The following SNX31 variants were observed in gnomAD, a reference collection of about 807,000 sequenced individuals.
SNX31 encodes the protein sorting nexin 31, also known as sorting nexin-31.
In SNX31, 58 loss-of-function variants were observed where a neutral mutation model predicts 65.4. The ratio of observed to expected loss-of-function variants is 0.89; its 90% CI spans 0.72 to 1.10. The LOEUF is 1.10. Among genes scored for constraint, SNX31 ranks in the 50% least tolerant of loss-of-function variants. The pLI, the probability that SNX31 is intolerant of heterozygous loss-of-function variation, is 0.00. For missense variants in SNX31, 523 were observed against 529.7 expected (o/e 0.99, Z 0.12); for synonymous variants, 181 against 190.1 (o/e 0.95, Z 0.39).
At chr8:100,639,479 C>T (rs1819006970) in intron 2 of SNX31, among the ~76,000 whole-genome samples, 1 of 152,118 alleles carries the variant, frequency 6.6e-6, no homozygotes, top group Non-Finnish European at 1.5e-5. Context: ...CAGAATCAAA[C>T]AAGTAAATGA....
rs547288340 is a variant in SNX31 at position 100,609,518 on chromosome 8, C to T, written c.612-955G>A. Among the ~76,000 whole-genome samples the T allele has an allele frequency of 4.0e-4, 61 of 152,172 alleles. No homozygotes were observed. The highest frequency in any genetic ancestry group is 1.3e-3 in the African/African-American group (54 of 41,494). ...TGTCTGCCTGTCAGATCCAGAATCA[C>T]GAGGAACTGAAATTAATGACTGTAG... On this transcript the variant is annotated intron_variant, in intron 7 of 13. Coordinates refer to ENST00000311812, the MANE Select transcript of SNX31 (RefSeq NM_152628.4). The surrounding 1 kb of genome is among the most constrained non-coding windows in gnomAD (Gnocchi z 4.9).
chr8:100,615,809 G>C (rs540983356), intron 5 of SNX31, among the ~76,000 whole-genome samples: 7 of 152,052 alleles, frequency 4.6e-5, no homozygotes, highest in Non-Finnish European at 7.4e-5. Flanking sequence ...TTGCTCTGTC[G>C]CCCAGGCTGG....
Position 100,635,310 on chromosome 8 carries a change from G to A in SNX31, c.256+587C>T, listed in dbSNP as rs556301972. ...GCTGGAGTACGGTGGTGCAATCACA[G>A]CTCACTGCAGCCTCAGCTTCCTATG... On this transcript the variant is annotated intron_variant, in intron 3 of 13. Coordinates refer to ENST00000311812, the MANE Select transcript of SNX31 (RefSeq NM_152628.4). 3.0e-3 allele frequency among the ~76,000 whole-genome samples: 463 copies of A among 151,946 alleles called. 1 individual carries two copies. Among genetic ancestry groups the A allele is most frequent in the African/African-American group, 8.9e-3 (367 of 41,440 alleles).
upstream of SNX31, among the ~76,000 whole-genome samples, chr8:100,650,418 G>C (rs867331226): frequency 4.6e-5 from 7 of 152,162 alleles, no homozygotes; most frequent in Non-Finnish European, 8.8e-5. Flanking sequence ...ACAGGCCCAG[G>C]GGGTGGAGGA....
chr8:100,588,776 G>T lies in SNX31; in HGVS notation c.1092+90C>A, dbSNP rs1814290787. The T allele has an allele frequency of 1.2e-6, 1 of 855,624 alleles. No homozygotes were observed. 53.0% of individuals were successfully genotyped at this position (855,624 alleles called of 1,614,324 possible). A position where few individuals can be genotyped will look rare whatever the true frequency, so the allele number is the denominator to read the frequency against. On this transcript the variant is annotated intron_variant, in intron 11 of 13. Transcript: ENST00000311812. The surrounding 1 kb of genome is among the most constrained non-coding windows in gnomAD (Gnocchi z 4.8). ...TAGAACACTTTAGGGTCCTGCTCTA[G>T]TTGGGTTAGGGTCATGTGCTTCATC...
At position 100,649,326 on chromosome 8, in the gene SNX31, C is replaced by G; in HGVS notation, c.89G>C (p.Gly30Ala). The G allele has an allele frequency of 1.2e-6, 2 of 1,614,084 alleles. No homozygotes were observed. Among genetic ancestry groups the G allele is most frequent in the Non-Finnish European group, 1.7e-6 (2 of 1,179,956 alleles). Residue 30 changes from glycine to alanine, a missense_variant, in exon 2 of 14, where the codon GGG becomes GCG. By Grantham distance (60) the Gly-to-Ala change is moderately conservative. Coordinates refer to ENST00000311812, the MANE Select transcript of SNX31 (RefSeq NM_152628.4). ...GTAGCGCACCCTGCAGAAGAGGAAC[C>G]CGTCCAGGTGCACGGAGTACAGCTG... ...RYVLYSVHLD[G>A]FLFCRVRYSQ... is the part of the protein sequence containing the mutation.
chr8:100,610,174 G>T lies in SNX31; in HGVS notation c.612-1611C>A, dbSNP rs971091783. On this transcript the variant is annotated intron_variant, in intron 7 of 13. Transcript: ENST00000311812. This position sits in a 1 kb window ranked among gnomAD's most constrained non-coding sequence, Gnocchi z 4.0. ...GAGGCAATCTGCCTAGATCTGAGAT[G>T]CTGGCTAATAATTTGGGGTAGACGT... Among the ~76,000 whole-genome samples, 2 of 152,218 alleles carry T rather than the reference G, an allele frequency of 1.3e-5. No homozygotes were observed. Among genetic ancestry groups the T allele is most frequent in the Non-Finnish European group, 2.9e-5 (2 of 68,032 alleles).
chr8:100,573,726 A>G lies in SNX31; in HGVS notation c.*139T>C, dbSNP rs1812800546. ...GTGCTGTGGTATAATACCTTGATGA[A>G]TACAGTCCATGTTAATGCCAAAAAA... On this transcript the variant is annotated 3_prime_UTR_variant, in exon 14 of 14. Transcript: ENST00000311812. 3 of 506,018 alleles carry G rather than the reference A, an allele frequency of 5.9e-6. No individual in the cohort carries two copies. Among genetic ancestry groups the G allele is most frequent in the Non-Finnish European group, 1.0e-5 (3 of 287,040 alleles). The allele number at this position is 506,018 out of a possible 1,614,324, so 31.3% of individuals were successfully genotyped here.
At chr8:100,638,181 C>T (rs772627981) in intron 2 of SNX31, among the ~76,000 whole-genome samples, 3 of 152,178 alleles carry the variant, frequency 2.0e-5, no homozygotes, top group Admixed American at 6.5e-5. Context: ...TAAGTCAGAT[C>T]ATTCCACTGC....
In SNX31 at chr8:100,588,943, G is replaced by A. The variant is rs375454984; in HGVS notation, c.1015C>T (p.Leu339Phe). The A allele has an allele frequency of 4.8e-5, 77 of 1,613,906 alleles. No individual in the cohort carries two copies. The highest frequency in any genetic ancestry group is 6.4e-5 in the Non-Finnish European group (76 of 1,179,950). ...AATCTGAGCTCTAAGTTCTGGTTGA[G>A]AGTTCTCTGGGGCCCATCCGTATCC... ...LLDTDGPQRT[L>F]NQNLELRFQY... Residue 339 changes from leucine to phenylalanine, a missense_variant, in exon 11 of 14, where the codon CTC becomes TTC. Leu to Phe is a conservative substitution (Grantham distance 22). Coordinates refer to ENST00000311812, the MANE Select transcript of SNX31 (RefSeq NM_152628.4). The surrounding 1 kb of genome is among the most constrained non-coding windows in gnomAD (Gnocchi z 4.8).
In SNX31 at chr8:100,576,959, G is replaced by C; in HGVS notation, c.1227+60C>G. ...AAGTGAGATGACTTTGGTTAAAGAG[G>C]AAAAAAGATCAGATTTATCAAAATT... On this transcript the variant is annotated intron_variant, in intron 13 of 13. Coordinates refer to ENST00000311812, the MANE Select transcript of SNX31 (RefSeq NM_152628.4). This position sits in a 1 kb window ranked among gnomAD's most constrained non-coding sequence, Gnocchi z 4.8. 1 of 1,380,606 alleles carries C rather than the reference G, an allele frequency of 7.2e-7. No homozygotes were observed. The allele number at this position is 1,380,606 out of a possible 1,614,324, so 85.5% of individuals were successfully genotyped here.
chr8:100,596,475 C>T (rs985546971), intron 10 of SNX31, among the ~76,000 whole-genome samples, 164 bp downstream of exon 10: 4 of 152,158 alleles, frequency 2.6e-5, no homozygotes, highest in Non-Finnish European at 1.5e-5. Flanking sequence ...GTGCATCAGA[C>T]TACAGATAGG....
At chr8:100,636,104 C>T in intron 2 of SNX31, 93 bp from the exon 3 acceptor site, 1 of 801,594 alleles carries the variant, frequency 1.2e-6, no homozygotes, top group Non-Finnish European at 2.1e-6. Flanking sequence ...AGTCCCATCC[C>T]AGCACTTTAT....
At chr8:100,589,301 C>CAAAAA (rs35464482) in intron 10 of SNX31, among the ~76,000 whole-genome samples, 1 of 96,422 alleles carries the variant, frequency 1.0e-5, no homozygotes. Context: ...GACTTCGTCT[C>CAAAAA]AAAAAAAAAA....
At chr8:100,615,899 A>T (rs1294852910) in intron 5 of SNX31, among the ~76,000 whole-genome samples, 1 of 151,982 alleles carries the variant, frequency 6.6e-6, no homozygotes, top group African/African-American at 2.4e-5. Flanking sequence ...CCTCCTGAGT[A>T]GCTGGGACTA....
At chr8:100,623,769 C>G (rs1306317851) in intron 4 of SNX31, among the ~76,000 whole-genome samples, 2 of 152,278 alleles carry the variant, frequency 1.3e-5, no homozygotes, top group East Asian at 1.9e-4. Context: ...TTCTCCTTCT[C>G]TACCGGCTCC....
intron 13 of SNX31, among the ~76,000 whole-genome samples, chr8:100,574,356 A>G (rs1812858211): frequency 6.6e-6 from 1 of 152,226 alleles, no homozygotes. Flanking sequence ...CTGGGCGGCC[A>G]GGCGCAGTGG....
rs778551159 is a variant in SNX31 at position 100,612,061 on chromosome 8, G to A, written c.550C>T (p.Leu184Phe). Reference sequence around the variant, plus strand: ...GAACTTCCAAGACTAACATAAGGGAGTTCAAAGTCAGCCAATTTTTTCACA... The same window carrying A: ...GAACTTCCAAGACTAACATAAGGGAATTCAAAGTCAGCCAATTTTTTCACA... The part of the protein sequence containing the change: ...SVVKKLADFE[L>F]PYVSLGSSEV... The change falls in exon 7 of 14, where the codon CTC becomes TTC. Residue 184 changes from leucine to phenylalanine, a missense_variant. Coordinates refer to ENST00000311812, the MANE Select transcript of SNX31 (RefSeq NM_152628.4). This position sits in a 1 kb window ranked among gnomAD's most constrained non-coding sequence, Gnocchi z 4.3. 9 of 1,613,940 alleles carry A rather than the reference G, an allele frequency of 5.6e-6. No homozygotes were observed. Among genetic ancestry groups the A allele is most frequent in the African/African-American group, 1.3e-5 (1 of 74,924 alleles).
intron 2 of SNX31, among the ~76,000 whole-genome samples, chr8:100,645,688 T>C (rs966657532): frequency 9.5e-5 from 14 of 146,988 alleles, no homozygotes; most frequent in African/African-American, 3.6e-4. Flanking sequence ...CTGAGCTCAC[T>C]GCAACCTCCA....
Sources: allele counts gnomAD v4.1 joint callset (sites outside exome capture counted in the v4.1 genomes callset), GRCh38; gene constraint gnomAD v4.1.1; non-coding constraint Gnocchi (gnomAD v3.1); transcripts MANE v1.5; gene names NCBI Gene and HGNC (gene_info 2026-07-23, HGNC 2026-07-21).